Variants in MTUS2 observed in about 807,000 individuals in gnomAD.
MTUS2 encodes the protein microtubule-associated tumor suppressor candidate 2.
MTUS2 carries 40 observed loss-of-function variants against 114.1 expected under a neutral mutation model. The ratio of observed to expected loss-of-function variants is 0.35; its 90% CI spans 0.27 to 0.46. The LOEUF (loss-of-function observed/expected upper bound fraction) is 0.46, where lower values mean the gene tolerates loss of function less well. Ranked by LOEUF, MTUS2 falls within the 20% of genes least tolerant of loss-of-function variation. The pLI is 1.00. For missense variants in MTUS2, 1,679 were observed against 1,705.4 expected (o/e 0.98, Z 0.27); for synonymous variants, 688 against 672.0 (o/e 1.02, Z -0.37).
At chr13:29,031,504 C>A (rs1886829163) in intron 3 of MTUS2, among the ~76,000 whole-genome samples, 2 of 151,846 alleles carry the variant, frequency 1.3e-5, no homozygotes. Flanking sequence ...CAGGGCAGGA[C>A]AGCAGCCTGG....
At chr13:29,334,063 A>G (rs548429165) in intron 7 of MTUS2, among the ~76,000 whole-genome samples, 1 of 152,052 alleles carries the variant, frequency 6.6e-6, no homozygotes, top group East Asian at 1.9e-4. Context: ...TGCTTGGTAA[A>G]TATTCCTCCA....
intron 8 of MTUS2, among the ~76,000 whole-genome samples, chr13:29,434,760 C>T (rs1877285663): frequency 6.6e-6 from 1 of 152,240 alleles, no homozygotes; most frequent in African/African-American, 2.4e-5. Flanking sequence ...ATTGACCACA[C>T]ATGTTAAAAT....
intron 5 of MTUS2, among the ~76,000 whole-genome samples, chr13:29,244,038 A>G (rs1896822330): frequency 6.6e-6 from 1 of 152,250 alleles, no homozygotes; most frequent in Admixed American, 6.5e-5. Context: ...TTACAGATGT[A>G]AAGGTAGGAA....
chr13:28,906,417 C>G (rs534484040), intron 2 of MTUS2, among the ~76,000 whole-genome samples: 63 of 151,312 alleles, frequency 4.2e-4, no homozygotes, highest in Admixed American at 9.2e-4. Flanking sequence ...CCTCTACACA[C>G]TGCTTTGAAT....
intron 4 of MTUS2, among the ~76,000 whole-genome samples, chr13:29,057,382 A>G (rs1888185834): frequency 6.6e-6 from 1 of 152,094 alleles, no homozygotes; most frequent in Non-Finnish European, 1.5e-5. Flanking sequence ...TCTGTCTAAT[A>G]CTATTAGTGG....
intron 4 of MTUS2, among the ~76,000 whole-genome samples, chr13:29,069,082 A>T (rs1056214438): frequency 6.6e-6 from 1 of 152,094 alleles, no homozygotes; most frequent in Admixed American, 6.6e-5. Context: ...GGATGGAGAG[A>T]AGTAGATGGG....
intron 5 of MTUS2, among the ~76,000 whole-genome samples, chr13:29,222,265 G>A (rs1220611869): frequency 1.3e-5 from 2 of 152,042 alleles, no homozygotes; most frequent in African/African-American, 4.8e-5. Flanking sequence ...TAGTCTGTCT[G>A]TTTATCACTG....
chr13:29,174,515 G>A (rs1893690622), intron 5 of MTUS2, among the ~76,000 whole-genome samples: 1 of 152,148 alleles, frequency 6.6e-6, no homozygotes, highest in African/African-American at 2.4e-5. Flanking sequence ...CAGAAACAGG[G>A]TCTGGTTTGG....
chr13:29,463,599 T>TCG (rs1555281922), intron 9 of MTUS2, among the ~76,000 whole-genome samples: 2 of 151,746 alleles, frequency 1.3e-5, no homozygotes, highest in Non-Finnish European at 2.9e-5. Flanking sequence ...TTGCCCTAGG[T>TCG]CACAGCCACC....
At chr13:29,056,992 C>G (rs1033822995) in intron 4 of MTUS2, among the ~76,000 whole-genome samples, 15 of 151,942 alleles carry the variant, frequency 9.9e-5, no homozygotes, top group African/African-American at 3.6e-4. Context: ...CCTAGAGATT[C>G]TAGTATGTTG....
chr13:29,171,927 C>T (rs1282451021), intron 5 of MTUS2, among the ~76,000 whole-genome samples: 1 of 152,196 alleles, frequency 6.6e-6, no homozygotes, highest in East Asian at 1.9e-4. Context: ...CTACTTACGT[C>T]TCCTGAGTCA....
intron 8 of MTUS2, chr13:29,428,770 C>T (rs992617605): frequency 1.1e-5 from 17 of 1,607,556 alleles, no homozygotes; most frequent in African/African-American, 2.7e-5. Context: ...TCGTGTGTGC[C>T]GGTACCTCGG....
intron 6 of MTUS2, among the ~76,000 whole-genome samples, chr13:29,308,656 G>T (rs1001216792): frequency 6.6e-6 from 1 of 152,114 alleles, no homozygotes; most frequent in Non-Finnish European, 1.5e-5. Flanking sequence ...CTATCCATCT[G>T]ACGAAGGTCT....
chr13:28,842,953 C>A (rs1875613300), intron 2 of MTUS2, among the ~76,000 whole-genome samples: 1 of 152,226 alleles, frequency 6.6e-6, no homozygotes, highest in African/African-American at 2.4e-5. Context: ...TCTTATTTTA[C>A]AGCTCTGAGA....
At chr13:28,964,734 A>G (rs950279525) in intron 2 of MTUS2, among the ~76,000 whole-genome samples, 5 of 55,274 alleles carry the variant, frequency 9.0e-5, no homozygotes, top group African/African-American at 2.6e-4. Flanking sequence ...GTCATGTACA[A>G]GAAGCTTTTT....
intron 13 of MTUS2, chr13:29,497,767 G>A (rs1882645515): frequency 1.6e-5 from 3 of 184,634 alleles, no homozygotes; most frequent in South Asian, 2.6e-4. Context: ...CTCTAACATG[G>A]GGTTGCCAAA....
chr13:29,360,239 G>T (rs79762857), intron 8 of MTUS2, among the ~76,000 whole-genome samples: 4,174 of 152,146 alleles, frequency 0.027, 176 homozygotes, highest in African/African-American at 0.095. Flanking sequence ...GGACCTCCTG[G>T]TATCTATACA....
chr13:29,324,670 C>T lies in MTUS2; in HGVS notation c.2864C>T (p.Pro955Leu), dbSNP rs12874207. ...ACGAATAAACCTGCTGTTTCATCTC[C>T]TAAGAGAGTAGCAGCTTCAACCACC... Reference protein sequence around the residue: ...QDTNKPAVSSPKRVAASTTKL... With the variant: ...QDTNKPAVSSLKRVAASTTKL... The change falls in exon 7 of 16, where the codon CCT (proline) becomes CTT (leucine). Residue 955 changes from proline to leucine, a missense_variant. By Grantham distance (98) the Pro-to-Leu change is moderately conservative. Around this residue, in one of 3 missense-constraint regions of MTUS2, gnomAD observed 822 missense variants for 899.7 expected, o/e 0.91. Coordinates refer to ENST00000612955, the MANE Select transcript of MTUS2 (RefSeq NM_001033602.4). 6.3e-7 allele frequency: 1 copy of T among 1,599,324 alleles called. No homozygotes were observed. The highest frequency in any genetic ancestry group is 8.5e-7 in the Non-Finnish European group (1 of 1,172,640).
At chr13:29,363,854 C>G (rs1870475710) in intron 8 of MTUS2, among the ~76,000 whole-genome samples, 1 of 152,162 alleles carries the variant, frequency 6.6e-6, no homozygotes, top group Non-Finnish European at 1.5e-5. Flanking sequence ...TGACCATCTA[C>G]TATGTCCTGG....
Sources: gnomAD v4.1 joint callset for allele counts (sites outside exome capture counted in the v4.1 genomes callset) on GRCh38, gnomAD v4.1.1 for gene constraint, gnomAD v4.1.1 regional missense constraint, MANE v1.5 for transcripts, NCBI Gene and HGNC (gene_info 2026-07-23, HGNC 2026-07-21) for gene names.